The following ABCC9 variants were observed in gnomAD, a reference collection of about 807,000 sequenced individuals.
ABCC9 encodes ATP-binding cassette sub-family C member 9.
A neutral mutation model predicts 188.3 loss-of-function variants in ABCC9; 95 were observed. That is an observed-to-expected ratio of 0.50 (90% CI 0.43 to 0.60). ABCC9 has a LOEUF of 0.60. ABCC9 is among the 20% of genes least tolerant of loss of function. The pLI is 0.00. For synonymous variants in ABCC9, 659 were observed against 652.7 expected, an observed-to-expected ratio of 1.01 and a Z score of -0.15; for missense variants, 1,102 against 1,876.3, an observed-to-expected ratio of 0.59 and a Z score of 7.62.
In ABCC9 at chr12:21,908,214, A is replaced by T; in HGVS notation, c.1321-3T>A. ...AGCAGAATCACGCCCATTATGATCTAGAGAGAAAAACACATGGAAAAGAGA... is the reference window on the plus strand; with the variant it reads ...AGCAGAATCACGCCCATTATGATCTTGAGAGAAAAACACATGGAAAAGAGA... On this transcript the variant is annotated splice_region_variant and splice_polypyrimidine_tract_variant and intron_variant, in intron 10 of 39. Coordinates refer to ENST00000261200, the MANE Select transcript of ABCC9 (RefSeq NM_020297.4). 6.2e-7 allele frequency: 1 copy of T among 1,612,266 alleles called. No individual in the cohort carries two copies. Among genetic ancestry groups the T allele is most frequent in the Non-Finnish European group, 8.5e-7 (1 of 1,178,718 alleles).
At chr12:21,908,949 CA>C (rs1396472992) in intron 10 of ABCC9, among the ~76,000 whole-genome samples, 1 of 151,834 alleles carries the variant, frequency 6.6e-6, no homozygotes, top group African/African-American at 2.4e-5. Flanking sequence ...TATCATGGCT[CA>C]AAACATCAAT....
At chr12:21,909,953 A>T (rs1188994861) in intron 10 of ABCC9, among the ~76,000 whole-genome samples, 1 of 151,912 alleles carries the variant, frequency 6.6e-6, no homozygotes, top group Non-Finnish European at 1.5e-5. Context: ...TAGGGCAGAT[A>T]TTTGAACTCA....
intron 35 of ABCC9, among the ~76,000 whole-genome samples, chr12:21,812,754 T>G (rs903178558): frequency 3.3e-5 from 5 of 152,022 alleles, no homozygotes; most frequent in African/African-American, 7.3e-5. Flanking sequence ...ATGTAGATGA[T>G]GGGTTGATGG....
Position 21,916,998 on chromosome 12 carries a change from C to G in ABCC9, c.512G>C (p.Gly171Ala), listed in dbSNP as rs779159910. ...DISNLRFCIT[G>A]MMVILNGLLM... ...GAGCCCATTCAAGATGACCATCATG[C>G]CTGTGATGCAGAAACGCAGGTTTGA... The change falls in exon 6 of 40, where the codon GGC becomes GCC. Residue 171 changes from glycine (G) to alanine (A), a missense_variant. This residue lies in a region of ABCC9 where 305 missense variants were observed against 573.0 expected (regional missense o/e 0.53). Coordinates refer to ENST00000261200, the MANE Select transcript of ABCC9 (RefSeq NM_020297.4). The G allele has an allele frequency of 6.2e-7, 1 of 1,613,806 alleles. No individual in the cohort carries two copies. The highest frequency in any genetic ancestry group is 1.3e-5 in the African/African-American group (1 of 74,994).
intron 25 of ABCC9, 66 bp from the exon 26 acceptor site, chr12:21,845,898 C>G: frequency 8.8e-7 from 1 of 1,132,040 alleles, no homozygotes; most frequent in Non-Finnish European, 1.3e-6. Flanking sequence ...TTTATTGCTC[C>G]ACAAATAGTA....
At chr12:21,929,183 T>C (rs1949172957) in intron 4 of ABCC9, among the ~76,000 whole-genome samples, 1 of 152,046 alleles carries the variant, frequency 6.6e-6, no homozygotes, top group Non-Finnish European at 1.5e-5. Context: ...AAATTTTGTC[T>C]CCTACAAAGT....
chr12:21,818,770 G>A (rs1397440786), intron 31 of ABCC9, among the ~76,000 whole-genome samples: 1 of 148,858 alleles, frequency 6.7e-6, no homozygotes, highest in Non-Finnish European at 1.5e-5. Flanking sequence ...TAGCTCCTTT[G>A]TGTTGTGTAG....
intron 39 of ABCC9, among the ~76,000 whole-genome samples, chr12:21,804,207 A>G (rs1272400454): frequency 2.0e-5 from 3 of 152,238 alleles, no homozygotes; most frequent in Admixed American, 1.3e-4. Flanking sequence ...AGTCTATAGA[A>G]AAGTATTCAG....
intron 22 of ABCC9, 43 bp downstream of exon 22, chr12:21,859,543 T>A (rs1377533508): frequency 6.3e-7 from 1 of 1,577,564 alleles, no homozygotes; most frequent in East Asian, 2.2e-5. Context: ...TTTGTCCAGA[T>A]GGAAGAATGA....
intron 10 of ABCC9, 151 bp from the exon 11 acceptor site, chr12:21,908,362 G>T: frequency 1.0e-6 from 1 of 1,004,410 alleles, no homozygotes; most frequent in Non-Finnish European, 1.5e-6. Flanking sequence ...TAGAGGGACA[G>T]AATTAACCAT....
At chr12:21,930,295 C>T (rs1267409410) in intron 4 of ABCC9, among the ~76,000 whole-genome samples, 2 of 151,838 alleles carry the variant, frequency 1.3e-5, no homozygotes, top group Admixed American at 6.6e-5. Flanking sequence ...TAATATGGGA[C>T]CATAGAATTC....
At position 21,856,858 on chromosome 12, in the gene ABCC9, C is replaced by G. The variant is rs554604223; in HGVS notation, c.2505+2728G>C. On this transcript the variant is annotated intron_variant, in intron 22 of 39. Coordinates refer to ENST00000261200, the MANE Select transcript of ABCC9 (RefSeq NM_020297.4). ...ATAATTTCAGAAAATACCAGAGAAT[C>G]TTTGCTGATTACATAGCCAATACTC... 5.3e-5 allele frequency among the ~76,000 whole-genome samples: 8 copies of G among 152,304 alleles called. No homozygotes were observed. In the East Asian group the frequency reaches 1.2e-3, roughly 22 times the overall value.
intron 16 of ABCC9, among the ~76,000 whole-genome samples, chr12:21,876,147 G>A (rs557344091): frequency 2.0e-5 from 3 of 152,250 alleles, no homozygotes; most frequent in South Asian, 2.1e-4. Context: ...TTAGAGTTAC[G>A]GCTATTTAGT....
intron 4 of ABCC9, among the ~76,000 whole-genome samples, chr12:21,927,313 G>T (rs1427691288): frequency 1.3e-5 from 2 of 152,154 alleles, no homozygotes; most frequent in Non-Finnish European, 2.9e-5. Context: ...GTTTTAAACG[G>T]ATAGCTCTAG....
chr12:21,813,008 T>G (rs1288617253), intron 35 of ABCC9, among the ~76,000 whole-genome samples: 1 of 152,180 alleles, frequency 6.6e-6, no homozygotes, highest in Non-Finnish European at 1.5e-5. Context: ...CCTTCTAGTA[T>G]TCCCTTTATC....
chr12:21,865,967 G>C (rs373753652), intron 18 of ABCC9, among the ~76,000 whole-genome samples: 1,082 of 68,364 alleles, frequency 0.016, 12 homozygotes, highest in African/African-American at 0.06. Flanking sequence ...CAAAAACAAA[G>C]AAGCAAAGAA....
chr12:21,923,280 T>C (rs1011870968), intron 5 of ABCC9: 2 of 151,312 alleles, frequency 1.3e-5, no homozygotes, highest in Admixed American at 1.3e-4. Flanking sequence ...CTAGAAGAAA[T>C]GATAAATTAT....
chr12:21,814,093 T>C (rs1942444672), intron 35 of ABCC9, among the ~76,000 whole-genome samples: 1 of 152,194 alleles, frequency 6.6e-6, no homozygotes, highest in Non-Finnish European at 1.5e-5. Flanking sequence ...TTATTAATAC[T>C]ATGGTGGATG....
At chr12:21,847,810 T>A (rs930842827) in intron 25 of ABCC9, among the ~76,000 whole-genome samples, 1 of 152,216 alleles carries the variant, frequency 6.6e-6, no homozygotes, top group Non-Finnish European at 1.5e-5. Flanking sequence ...TTCTGAAGGA[T>A]TGAAATTTTC....
Sources: allele counts gnomAD v4.1 joint callset (sites outside exome capture counted in the v4.1 genomes callset), GRCh38; gene constraint gnomAD v4.1.1; regional missense constraint gnomAD v4.1.1; transcripts MANE v1.5; gene names NCBI Gene and HGNC (gene_info 2026-07-23, HGNC 2026-07-21).